The following CTNND2 variants were observed in gnomAD, a reference collection of about 807,000 sequenced individuals.
CTNND2 encodes the protein catenin delta 2.
CTNND2 carries 22 observed loss-of-function variants against 144.4 expected under a neutral mutation model. The observed-to-expected ratio is 0.15, with a 90% confidence interval of 0.11 to 0.22. CTNND2 has a LOEUF of 0.22. CTNND2 is among the 10% of genes least tolerant of loss of function. The pLI is 1.00. For missense variants in CTNND2, 1,353 were observed against 1,618.8 expected (o/e 0.84, Z 2.82); for synonymous variants, 751 against 695.6 (o/e 1.08, Z -1.25).
chr5:11,861,892 C>T (rs1279239896), intron 1 of CTNND2, among the ~76,000 whole-genome samples: 1 of 152,170 alleles, frequency 6.6e-6, no homozygotes, highest in East Asian at 1.9e-4. Context: ...TTTACTGTAT[C>T]TACAAGGCTC....
At chr5:11,034,125 A>G (rs948300728) in intron 16 of CTNND2, among the ~76,000 whole-genome samples, 9 of 152,188 alleles carry the variant, frequency 5.9e-5, no homozygotes, top group Non-Finnish European at 8.8e-5. Flanking sequence ...TGATTTGATA[A>G]TATTAGGGGA....
At chr5:11,848,164 A>G (rs1794834014) in intron 1 of CTNND2, among the ~76,000 whole-genome samples, 1 of 151,928 alleles carries the variant, frequency 6.6e-6, no homozygotes, top group African/African-American at 2.4e-5. Flanking sequence ...ATATTAAAAT[A>G]TTTACCAAAT....
chr5:11,156,962 T>C (rs1758275339), intron 12 of CTNND2, among the ~76,000 whole-genome samples: 1 of 152,150 alleles, frequency 6.6e-6, no homozygotes, highest in African/African-American at 2.4e-5. Flanking sequence ...GTGGTGGTTG[T>C]GTATTGTTTT....
chr5:11,722,247 G>A (rs12332227), intron 2 of CTNND2, among the ~76,000 whole-genome samples: 34,264 of 152,054 alleles, frequency 0.23, 4,804 homozygotes, highest in African/African-American at 0.4. Context: ...GGACAAGAAT[G>A]AAGAATTTGC....
chr5:11,585,424 T>C (rs1018177199), intron 2 of CTNND2, among the ~76,000 whole-genome samples: 2 of 152,060 alleles, frequency 1.3e-5, no homozygotes, highest in Non-Finnish European at 1.5e-5. Context: ...ATGTATTTTT[T>C]CTAACACACT....
chr5:11,246,351 G>T (rs904633006), intron 9 of CTNND2, among the ~76,000 whole-genome samples: 1 of 152,128 alleles, frequency 6.6e-6, no homozygotes, highest in African/African-American at 2.4e-5. Flanking sequence ...AATGAGATCA[G>T]ACTGGATTGG....
chr5:11,289,390 T>G (rs2188856), intron 9 of CTNND2, among the ~76,000 whole-genome samples: 31,003 of 152,204 alleles, frequency 0.2, 3,290 homozygotes, highest in Middle Eastern at 0.32. Flanking sequence ...ATTCTATGCT[T>G]TTTAACTAGA....
chr5:11,637,914 T>C (rs957158754), intron 2 of CTNND2, among the ~76,000 whole-genome samples: 3 of 152,176 alleles, frequency 2.0e-5, no homozygotes, highest in Non-Finnish European at 4.4e-5. Flanking sequence ...TAATTGAATA[T>C]AGGATAAATC....
intron 2 of CTNND2, among the ~76,000 whole-genome samples, chr5:11,606,568 C>A (rs543621993): frequency 1.3e-5 from 2 of 152,194 alleles, no homozygotes; most frequent in South Asian, 4.2e-4. Context: ...TTGTTTTGAA[C>A]ACGTGAAGCT....
At chr5:11,240,538 CACACACACCCAACACACACACTCAAA>C (rs1561076186) in intron 9 of CTNND2, among the ~76,000 whole-genome samples, 3 of 91,320 alleles carry the variant, frequency 3.3e-5, no homozygotes, top group Admixed American at 1.1e-4. Context: ...ACACACCCAA[CACACACACCCAACACACACACTCAAA>C]ACACACACCC....
At chr5:11,214,772 A>G (rs1431391344) in intron 10 of CTNND2, among the ~76,000 whole-genome samples, 1 of 152,032 alleles carries the variant, frequency 6.6e-6, no homozygotes, top group Admixed American at 6.6e-5. Flanking sequence ...GAAATTCCTG[A>G]GCAGGTTGTT....
intron 15 of CTNND2, among the ~76,000 whole-genome samples, chr5:11,091,075 CATT>C (rs1750720895): frequency 6.6e-6 from 1 of 152,086 alleles, no homozygotes. Flanking sequence ...AATTTTCAGT[CATT>C]ATTTTTTCAA....
At chr5:11,319,963 C>T (rs1478604291) in intron 9 of CTNND2, among the ~76,000 whole-genome samples, 4 of 152,254 alleles carry the variant, frequency 2.6e-5, no homozygotes, top group South Asian at 2.1e-4. Flanking sequence ...TTGTCAGGCC[C>T]GCTTTGGCAG....
intron 9 of CTNND2, among the ~76,000 whole-genome samples, chr5:11,317,804 T>C (rs1318305624): frequency 1.3e-5 from 2 of 152,220 alleles, no homozygotes; most frequent in Admixed American, 1.3e-4. Flanking sequence ...TAAAATTAAA[T>C]GCAGAATTCT....
chr5:11,836,557 T>C (rs1168681409), intron 1 of CTNND2, among the ~76,000 whole-genome samples: 1 of 151,720 alleles, frequency 6.6e-6, no homozygotes, highest in Non-Finnish European at 1.5e-5. Context: ...AAAGATTCCA[T>C]TAGCCAAACA....
In CTNND2 at chr5:11,810,869, T is replaced by TA. The variant is rs879499069; in HGVS notation, c.38-78598dup. ...GTCGGCACTTAAGGGCCTATTTTTT[T>TA]AAAAAAAAAGACAGACTTTATGACA... is the stretch of plus-strand genomic sequence containing the variant. On this transcript the variant is annotated intron_variant, in intron 1 of 21. Coordinates refer to ENST00000304623, the MANE Select transcript of CTNND2 (RefSeq NM_001332.4). Among the ~76,000 whole-genome samples the TA allele has an allele frequency of 6.2e-4, 94 of 151,732 alleles. 2 individuals are homozygous for TA. In the East Asian group the frequency reaches 0.013, roughly 21 times the overall value.
chr5:11,258,415 T>C (rs1744505637), intron 9 of CTNND2, among the ~76,000 whole-genome samples: 3 of 152,216 alleles, frequency 2.0e-5, no homozygotes, highest in Admixed American at 2.0e-4. Flanking sequence ...TTGCTATTAC[T>C]GTTCACAAGC....
intron 1 of CTNND2, among the ~76,000 whole-genome samples, chr5:11,824,504 G>A (rs192377929): frequency 4.7e-4 from 71 of 152,250 alleles, no homozygotes; most frequent in African/African-American, 1.6e-3. Flanking sequence ...CACTGCTTTT[G>A]GGTAAAGGGT....
Position 11,159,613 on chromosome 5 carries a change from A to G in CTNND2, c.2122T>C (p.Ser708Pro). The G allele has an allele frequency of 6.2e-7, 1 of 1,613,440 alleles. No individual in the cohort carries two copies. Among genetic ancestry groups the G allele is most frequent in the Non-Finnish European group, 8.5e-7 (1 of 1,179,724 alleles). Reference protein sequence around the residue: ...LQDDRKIQLHSSQVLRNATGC... With the variant: ...LQDDRKIQLHPSQVLRNATGC... The stretch of plus-strand genomic sequence containing the variant: ...GTGGCGTTACGCAGCACCTGTGATG[A>G]ATGCAGCTGTATTTTCCGATCATCC... The change falls in exon 12 of 22, where the codon TCA (serine) becomes CCA (proline). Residue 708 changes from serine to proline, a missense_variant. By Grantham distance (74) the Ser-to-Pro change is moderately conservative (BLOSUM62 -1). Transcript: ENST00000304623.
Sources: gnomAD v4.1 joint callset for allele counts (sites outside exome capture counted in the v4.1 genomes callset) on GRCh38, gnomAD v4.1.1 for gene constraint, MANE v1.5 for transcripts, NCBI Gene and HGNC (gene_info 2026-07-23, HGNC 2026-07-21) for gene names.